GLDN: variants seen among roughly 807,000 people sequenced by gnomAD.
The protein encoded by GLDN is gliomedin.
A neutral mutation model predicts 56.5 loss-of-function variants in GLDN; 47 were observed. The ratio of observed to expected loss-of-function variants is 0.83; its 90% CI spans 0.66 to 1.06. The LOEUF is 1.06. GLDN is among the 50% of genes least tolerant of loss of function. GLDN has a pLI of 0.00. For missense variants in GLDN, 782 were observed against 714.3 expected (o/e 1.09, Z -1.08); for synonymous variants, 332 against 278.8 (o/e 1.19, Z -1.90).
downstream of GLDN, among the ~76,000 whole-genome samples, chr15:51,412,697 T>G (rs1194600077): frequency 6.6e-6 from 1 of 152,210 alleles, no homozygotes; most frequent in African/African-American, 2.4e-5. Flanking sequence ...TTTTTTTCTT[T>G]TTTTACCTAA....
chr15:51,399,962 C>G (rs1420434308), intron 6 of GLDN, among the ~76,000 whole-genome samples: 2 of 152,202 alleles, frequency 1.3e-5, no homozygotes, highest in African/African-American at 4.8e-5. Flanking sequence ...ATCTTAGCAA[C>G]TGTACTCCTG....
chr15:51,353,909 C>T (rs2141054234), intron 1 of GLDN, among the ~76,000 whole-genome samples: 1 of 152,226 alleles, frequency 6.6e-6, no homozygotes, highest in South Asian at 2.1e-4. Context: ...TTGTTTAAAA[C>T]AAGCTGAAGC....
chr15:51,389,394 C>T (rs2141112624), intron 4 of GLDN, among the ~76,000 whole-genome samples: 1 of 152,268 alleles, frequency 6.6e-6, no homozygotes, highest in Non-Finnish European at 1.5e-5. Flanking sequence ...GCTTACAATC[C>T]AGTTGAAAGA....
At chr15:51,397,409 T>A in intron 5 of GLDN, 61 bp from the exon 6 acceptor site, 1 of 694,498 alleles carries the variant, frequency 1.4e-6, no homozygotes, top group Non-Finnish European at 2.0e-6. Context: ...TCTGTCCCTC[T>A]CTCCCCTTCC....
chr15:51,392,999 T>A (rs2038054139), intron 4 of GLDN, among the ~76,000 whole-genome samples: 1 of 152,202 alleles, frequency 6.6e-6, no homozygotes, highest in Non-Finnish European at 1.5e-5. Flanking sequence ...TTATCTTGTT[T>A]CTGATATTAG....
chr15:51,404,834 T>G lies in GLDN; in HGVS notation c.*80T>G. ...TCCCCCAACAGGAAACTTGTTTTTT[T>G]AACGTCAGCCAGATATTTAGAAAAT... is the stretch of plus-strand genomic sequence containing the variant. On this transcript the variant is annotated 3_prime_UTR_variant, in exon 10 of 10. Transcript: ENST00000335449. The G allele has an allele frequency of 1.4e-6, 1 of 730,430 alleles. No homozygotes were observed. Among genetic ancestry groups the G allele is most frequent in the Non-Finnish European group, 2.4e-6 (1 of 422,404 alleles). The allele number at this position is 730,430 out of a possible 1,614,324, so 45.2% of individuals were successfully genotyped here.
At position 51,341,678 on chromosome 15, in the gene GLDN, A is replaced by G; in HGVS notation, c.-7A>G. ...CCAAGCCCTGCCCTGCCCAAGGCGC[A>G]TAGAGCATGGCCCGAGGCGCTGAGG... On this transcript the variant is annotated 5_prime_UTR_variant, in exon 1 of 10. Transcript: ENST00000335449. 1 of 1,404,062 alleles carries G rather than the reference A, an allele frequency of 7.1e-7. No homozygotes were observed. The highest frequency in any genetic ancestry group is 9.2e-7 in the Non-Finnish European group (1 of 1,092,512). The allele number at this position is 1,404,062 out of a possible 1,614,324, so 87.0% of individuals were successfully genotyped here.
chr15:51,407,809 T>C lies in GLDN; in HGVS notation c.*3055T>C, dbSNP rs1168758671. The C allele has an allele frequency of 6.6e-6, 1 of 152,218 alleles. No individual in the cohort carries two copies. Among genetic ancestry groups the C allele is most frequent in the Non-Finnish European group, 1.5e-5 (1 of 68,040 alleles). The allele number at this position is 152,218 out of a possible 1,614,324, so 9.4% of individuals were successfully genotyped here. A position where few individuals can be genotyped will look rare whatever the true frequency, so the allele number is the denominator to read the frequency against. On this transcript the variant is annotated 3_prime_UTR_variant, in exon 10 of 10. Transcript: ENST00000335449. ...ACAGAGGACGTTTTGGCTATGATCA[T>C]CTGATGGCAAGTGAAGGAGAAATGA...
At chr15:51,354,957 C>T (rs2037146288) in intron 1 of GLDN, among the ~76,000 whole-genome samples, 1 of 152,146 alleles carries the variant, frequency 6.6e-6, no homozygotes, top group South Asian at 2.1e-4. Flanking sequence ...AAGATAATGG[C>T]ATTGGAAATG....
intron 4 of GLDN, among the ~76,000 whole-genome samples, chr15:51,388,133 G>A (rs527657225): frequency 1.8e-4 from 28 of 152,160 alleles, no homozygotes; most frequent in Non-Finnish European, 7.4e-5. Context: ...ATGTCACCTC[G>A]TATACAAGAT....
chr15:51,377,498 CAGGT>C lies in GLDN; in HGVS notation c.415+2_415+5del, dbSNP rs763342039. ...AACAGCACCAAGGGCATCTGCCTCACAGGTAGGCTGGCCGCTGAGCAGAGCCGCT... is the reference window on the plus strand; with the variant it reads ...AACAGCACCAAGGGCATCTGCCTCACAGGCTGGCCGCTGAGCAGAGCCGCT... On this transcript the variant is annotated splice_donor_variant and coding_sequence_variant, in exon 2 of 10. Coordinates refer to ENST00000335449, the MANE Select transcript of GLDN (RefSeq NM_181789.4). LOFTEE classifies it high-confidence loss of function. 1 of 1,613,792 alleles carries C rather than the reference CAGGT, an allele frequency of 6.2e-7. No individual in the cohort carries two copies. The highest frequency in any genetic ancestry group is 8.5e-7 in the Non-Finnish European group (1 of 1,179,782).
intron 4 of GLDN, among the ~76,000 whole-genome samples, chr15:51,390,239 A>T (rs747886911): frequency 6.6e-6 from 1 of 152,260 alleles, no homozygotes; most frequent in Non-Finnish European, 1.5e-5. Flanking sequence ...AGGGCTTGAC[A>T]CATTGTAAGT....
intron 1 of GLDN, among the ~76,000 whole-genome samples, chr15:51,375,812 A>G (rs772596705): frequency 1.3e-5 from 2 of 152,156 alleles, no homozygotes; most frequent in Non-Finnish European, 2.9e-5. Flanking sequence ...TCAGAGTTCC[A>G]AGAGGTTAAG....
intron 6 of GLDN, among the ~76,000 whole-genome samples, chr15:51,399,222 C>G (rs1423898939): frequency 6.6e-6 from 1 of 152,198 alleles, no homozygotes; most frequent in South Asian, 2.1e-4. Flanking sequence ...CAGGGAAACA[C>G]AGGCTTATCC....
chr15:51,369,681 G>A (rs1481520641), intron 1 of GLDN, among the ~76,000 whole-genome samples: 2 of 152,154 alleles, frequency 1.3e-5, no homozygotes, highest in Non-Finnish European at 2.9e-5. Flanking sequence ...TTTGATTTAA[G>A]CCTTTTACCT....
intron 2 of GLDN, among the ~76,000 whole-genome samples, chr15:51,380,522 G>A (rs2037735604): frequency 6.6e-6 from 1 of 152,210 alleles, no homozygotes; most frequent in Non-Finnish European, 1.5e-5. Flanking sequence ...TGGAGAGCCA[G>A]GCTGGCATTC....
At chr15:51,379,507 C>A (rs781530325) in intron 2 of GLDN, among the ~76,000 whole-genome samples, 1 of 152,200 alleles carries the variant, frequency 6.6e-6, no homozygotes, top group Non-Finnish European at 1.5e-5. Context: ...ATATCAATCA[C>A]GGATCAATGC....
At chr15:51,370,340 C>A (rs1336945674) in intron 1 of GLDN, among the ~76,000 whole-genome samples, 1 of 152,150 alleles carries the variant, frequency 6.6e-6, no homozygotes, top group African/African-American at 2.4e-5. Context: ...ATTTTACAGA[C>A]AAATAACTAA....
At chr15:51,377,585 C>T (rs2037662371) in intron 2 of GLDN, 85 bp downstream of exon 2, 2 of 940,944 alleles carry the variant, frequency 2.1e-6, no homozygotes, top group Non-Finnish European at 3.3e-6. Flanking sequence ...CCTAGGGACA[C>T]TTTGTTATAA....
Sources: allele counts gnomAD v4.1 joint callset (sites outside exome capture counted in the v4.1 genomes callset), GRCh38; gene constraint gnomAD v4.1.1; transcripts MANE v1.5; gene names NCBI Gene and HGNC (gene_info 2026-07-23, HGNC 2026-07-21).